The following DST variants were observed in gnomAD, a reference collection of about 807,000 sequenced individuals.
DST encodes dystonin, also known as bullous pemphigoid antigen.
DST carries 253 observed loss-of-function variants against 875.2 expected under a neutral mutation model. The ratio of observed to expected loss-of-function variants is 0.29; its 90% confidence interval spans 0.26 to 0.32. DST has a LOEUF of 0.32. Ranked by LOEUF, DST falls within the 10% of genes least tolerant of loss-of-function variation. The pLI, the probability that DST is intolerant of heterozygous loss-of-function variation, is 1.00. For synonymous variants in DST, 3,124 were observed against 3,197.1 expected, an observed-to-expected ratio of 0.98 and a Z score of 0.77; for missense variants, 8,287 against 9,111.6, an observed-to-expected ratio of 0.91 and a Z score of 3.68.
intron 9 of DST, among the ~76,000 whole-genome samples, chr6:56,687,344 T>C (rs2099194412): frequency 6.6e-6 from 1 of 152,214 alleles, no homozygotes; most frequent in Admixed American, 6.5e-5. Context: ...ATGAGTTTCA[T>C]TATTGCAAGA....
chr6:56,717,249 G>T (rs1259801054), intron 5 of DST, among the ~76,000 whole-genome samples: 1 of 152,086 alleles, frequency 6.6e-6, no homozygotes, highest in Non-Finnish European at 1.5e-5. Context: ...TCCCTGGCAA[G>T]CACAGTTCAC....
intron 87 of DST, 35 bp from the exon 88 acceptor site, chr6:56,485,506 C>CA (rs1386613118): frequency 1.9e-6 from 3 of 1,589,182 alleles, no homozygotes; most frequent in Non-Finnish European, 2.6e-6. Flanking sequence ...ATCCTTGCAA[C>CA]AAAAAACGTC....
At chr6:56,576,641 A>G (rs1441054932) in intron 50 of DST, among the ~76,000 whole-genome samples, 2 of 152,146 alleles carry the variant, frequency 1.3e-5, no homozygotes, top group East Asian at 3.8e-4. Context: ...GGTGTATGAG[A>G]GTGAGTAGCA....
Position 56,604,452 on chromosome 6 carries a change from C to A in DST, c.10176G>T (p.Arg3392Ser), listed in dbSNP as rs773163090. 4 of 1,609,390 alleles carry A rather than the reference C, an allele frequency of 2.5e-6. No individual in the cohort carries two copies. Among genetic ancestry groups the A allele is most frequent in the Non-Finnish European group, 3.4e-6 (4 of 1,177,298 alleles). Reference sequence around the variant, plus strand: ...CATTTACCAACTGTGATGTGGTAATCCTTTTAATTAAATTTTGAATTAAAA... The same window carrying A: ...CATTTACCAACTGTGATGTGGTAATACTTTTAATTAAATTTTGAATTAAAA... ...TKILIQNLIK[R>S]ITTSQLVNEA... Residue 3392 changes from arginine (R) to serine (S), a missense_variant, in exon 40 of 104, where the codon AGG (arginine) becomes AGT (serine). Transcript: ENST00000680361.
chr6:56,752,885 G>A (rs771142074), intron 4 of DST, among the ~76,000 whole-genome samples: 15 of 151,978 alleles, frequency 9.9e-5, no homozygotes, highest in South Asian at 2.1e-4. Context: ...TCTGCCTCCC[G>A]GGTTCAAGCA....
At chr6:56,931,755 T>A (rs1160135631) in intron 2 of DST, among the ~76,000 whole-genome samples, 1 of 152,232 alleles carries the variant, frequency 6.6e-6, no homozygotes, top group Non-Finnish European at 1.5e-5. Flanking sequence ...TGGACTTGCA[T>A]GGGCCTTTGT....
intron 34 of DST, 110 bp from the exon 35 acceptor site, chr6:56,625,374 A>G (rs1005427365): frequency 2.6e-6 from 2 of 760,854 alleles, no homozygotes; most frequent in Admixed American, 1.9e-5. Context: ...AAATAACTTT[A>G]GTGATTTGAC....
intron 50 of DST, among the ~76,000 whole-genome samples, chr6:56,575,216 AG>A (rs1451435561): frequency 2.0e-5 from 3 of 151,964 alleles, no homozygotes; most frequent in Non-Finnish European, 2.9e-5. Context: ...GTTGGGGGAG[AG>A]GGGTGGGAAG....
chr6:56,851,525 G>A lies in DST; in HGVS notation c.497C>T (p.Ser166Phe), dbSNP rs1591678471. 1 of 1,614,060 alleles carries A rather than the reference G, an allele frequency of 6.2e-7. No individual in the cohort carries two copies. Among genetic ancestry groups the A allele is most frequent in the East Asian group, 2.2e-5 (1 of 44,890 alleles). ...TCCCGGAGCTGGGGATGCGGAGCCA[G>A]ATTTCTGGCTGAAATCATCCTCATC... is the stretch of plus-strand genomic sequence containing the variant. Reference protein sequence around the residue: ...FSDEDDFSQKSGSASPAPGDT... With the variant: ...FSDEDDFSQKFGSASPAPGDT... The change falls in exon 4 of 104, where the codon TCT (serine) becomes TTT (phenylalanine). Residue 166 changes from serine (S) to phenylalanine (F), a missense_variant. Physicochemically the swap from Ser to Phe is radical, Grantham distance 155. Around this residue, in one of 10 missense-constraint regions of DST, gnomAD observed 1,160 missense variants for 1,424.3 expected, o/e 0.81. Transcript: ENST00000680361.
chr6:56,556,947 A>G (rs1356938187), intron 59 of DST, among the ~76,000 whole-genome samples: 2 of 152,184 alleles, frequency 1.3e-5, no homozygotes, highest in Admixed American at 1.3e-4. Flanking sequence ...TAAAACCTCA[A>G]AGGAGTAATT....
rs147867574 is a variant in DST at position 56,766,616 on chromosome 6, C to T, written c.626-31327G>A. Among the ~76,000 whole-genome samples, 135 of 152,036 alleles carry T rather than the reference C, an allele frequency of 8.9e-4. No individual in the cohort carries two copies. In the East Asian group the frequency reaches 0.021, roughly 24 times the overall value. On this transcript the variant is annotated intron_variant, in intron 4 of 103. Transcript: ENST00000680361. ...CGTGATTTCGACTCACTGCAACCTC[C>T]GCCTCCCAGGTTCAAGCAATTCTCC...
At chr6:56,549,128 T>TACG (rs2097277240) in intron 61 of DST, among the ~76,000 whole-genome samples, 1 of 152,174 alleles carries the variant, frequency 6.6e-6, no homozygotes, top group African/African-American at 2.4e-5. Flanking sequence ...AATCCTCTAT[T>TACG]ACGGGTCCAG....
At chr6:56,602,185 A>G (rs369202338) in intron 43 of DST, among the ~76,000 whole-genome samples, 20 of 142,310 alleles carry the variant, frequency 1.4e-4, no homozygotes, top group Admixed American at 4.2e-4. Context: ...AAGAACTTAG[A>G]AAAAAAAAAA....
intron 23 of DST, 126 bp downstream of exon 23, chr6:56,636,431 T>TATATACACACATACGTATACAC: frequency 4.2e-6 from 3 of 708,646 alleles, no homozygotes; most frequent in South Asian, 1.5e-5. Context: ...TATGTGTATA[T>TATATACACACATACGTATACAC]ATATATGTGT....
At chr6:56,710,994 G>A (rs962227574) in intron 5 of DST, among the ~76,000 whole-genome samples, 2 of 151,002 alleles carry the variant, frequency 1.3e-5, no homozygotes, top group Non-Finnish European at 2.9e-5. Flanking sequence ...AGGTATTAAT[G>A]GATAAAATAA....
chr6:56,523,039 G>A (rs1371722150), intron 69 of DST, among the ~76,000 whole-genome samples: 2 of 152,106 alleles, frequency 1.3e-5, no homozygotes, highest in African/African-American at 4.8e-5. Context: ...GGCATGTATT[G>A]TAAAAGGGAG....
chr6:56,600,226 A>C lies in DST; in HGVS notation c.11542-5T>G. 6.2e-7 allele frequency: 1 copy of C among 1,609,956 alleles called. No homozygotes were observed. Among genetic ancestry groups the C allele is most frequent in the Non-Finnish European group, 8.5e-7 (1 of 1,178,038 alleles). ...CTGCTGACGCTCTGCTACAATCTAA[A>C]GTGAAGAAAACCCAAAACATCTTAA... is the stretch of plus-strand genomic sequence containing the variant. On this transcript the variant is annotated splice_polypyrimidine_tract_variant and splice_region_variant and intron_variant, in intron 44 of 103. Transcript: ENST00000680361.
chr6:56,766,539 T>C (rs986535240), intron 4 of DST, among the ~76,000 whole-genome samples: 11 of 151,898 alleles, frequency 7.2e-5, no homozygotes, highest in Non-Finnish European at 1.3e-4. Flanking sequence ...TTTTTTTTTT[T>C]TTCCTTTTTG....
chr6:56,783,245 T>TGG (rs2099697973), intron 4 of DST, among the ~76,000 whole-genome samples: 1 of 152,216 alleles, frequency 6.6e-6, no homozygotes, highest in Admixed American at 6.5e-5. Flanking sequence ...TACGTCTGCT[T>TGG]GGTGCAGAGC....
Sources: gnomAD v4.1 joint callset for allele counts (sites outside exome capture counted in the v4.1 genomes callset) on GRCh38, gnomAD v4.1.1 for gene constraint, gnomAD v4.1.1 regional missense constraint, MANE v1.5 for transcripts, NCBI Gene and HGNC (gene_info 2026-07-23, HGNC 2026-07-21) for gene names.